The following C5orf52 variants were observed in gnomAD, a reference collection of about 807,000 sequenced individuals.
The protein encoded by C5orf52 is chromosome 5 open reading frame 52.
A neutral mutation model predicts 16.8 loss-of-function variants in C5orf52; 15 were observed. The observed-to-expected ratio is 0.89, with a 90% CI of 0.60 to 1.38. The LOEUF is 1.38. Ranked by LOEUF, C5orf52 falls within the 40% of genes most tolerant of loss-of-function variation. The pLI is 0.00. For synonymous variants in C5orf52, 83 were observed against 87.2 expected (o/e 0.95, Z 0.27); for missense variants, 206 against 213.1 (o/e 0.97, Z 0.21).
chr5:157,676,461 T>C lies in C5orf52; in HGVS notation c.321+1261T>C, dbSNP rs562728256. ...CACAAAATTCTAACATTAAAAACAA[T>C]TGGAGATCCTTAAGAGATGGTGCCA... On this transcript the variant is annotated intron_variant, in intron 2 of 2. Transcript: ENST00000409999. Among the ~76,000 whole-genome samples, 4 of 152,240 alleles carry C rather than the reference T, an allele frequency of 2.6e-5. No homozygotes were observed. The East Asian group carries it at 7.7e-4, about 29-fold the overall frequency.
intron 2 of C5orf52, among the ~76,000 whole-genome samples, chr5:157,676,381 C>G (rs1759895070): frequency 6.6e-6 from 1 of 152,124 alleles, no homozygotes; most frequent in Non-Finnish European, 1.5e-5. Context: ...CTGCTGCCTG[C>G]TTCTTGACTC....
At chr5:157,678,958 C>A (rs1163586173) in intron 2 of C5orf52, among the ~76,000 whole-genome samples, 1 of 151,796 alleles carries the variant, frequency 6.6e-6, no homozygotes, top group Non-Finnish European at 1.5e-5. Flanking sequence ...CATGGTGAAA[C>A]CCCGTCTCTA....
chr5:157,673,867 A>G (rs1759844964), intron 1 of C5orf52, among the ~76,000 whole-genome samples: 1 of 151,936 alleles, frequency 6.6e-6, no homozygotes, highest in African/African-American at 2.4e-5. Context: ...CTGTTCTGGA[A>G]CTCCTGACTT....
intron 2 of C5orf52, 121 bp from the exon 3 acceptor site, chr5:157,679,720 G>C: frequency 1.2e-6 from 1 of 861,984 alleles, no homozygotes. Flanking sequence ...ATGTACATAG[G>C]GTCCAGCTGA....
At chr5:157,673,950 A>G (rs1447403498) in intron 1 of C5orf52, among the ~76,000 whole-genome samples, 1 of 152,186 alleles carries the variant, frequency 6.6e-6, no homozygotes, top group Non-Finnish European at 1.5e-5. Flanking sequence ...CCGGTCCTGA[A>G]CAATTATTTT....
intron 1 of C5orf52, among the ~76,000 whole-genome samples, chr5:157,673,102 C>T (rs948481870): frequency 3.9e-5 from 6 of 151,970 alleles, no homozygotes; most frequent in African/African-American, 1.2e-4. Context: ...CTTTGGGAGG[C>T]TGAGGAGGGT....
chr5:157,671,336 C>T (rs1357309694), upstream of C5orf52: 1 of 489,194 alleles, frequency 2.0e-6, no homozygotes, highest in African/African-American at 2.0e-5. Context: ...TCACCGCACC[C>T]CACTTCTTCC....
chr5:157,675,422 C>T (rs944649309), intron 2 of C5orf52, among the ~76,000 whole-genome samples: 1 of 152,126 alleles, frequency 6.6e-6, no homozygotes, highest in Non-Finnish European at 1.5e-5. Context: ...AGAAAGACTC[C>T]ATGTCTCTTG....
rs1181251278 is a variant in C5orf52 at position 157,679,826 on chromosome 5, T to A, written c.322-15T>A. On this transcript the variant is annotated splice_polypyrimidine_tract_variant and intron_variant, in intron 2 of 2. Transcript: ENST00000409999. ...TTAGGATCTTGATCCTAACCTCACC[T>A]CTGTTTTTTGTAAGGTGAGCGCTTT... The A allele has an allele frequency of 3.2e-6, 5 of 1,544,842 alleles. No homozygotes were observed. Among genetic ancestry groups the A allele is most frequent in the Non-Finnish European group, 4.4e-6 (5 of 1,144,980 alleles).
intron 2 of C5orf52, among the ~76,000 whole-genome samples, chr5:157,675,733 G>GAAAAA (rs1443798146): frequency 6.6e-6 from 1 of 152,054 alleles, no homozygotes; most frequent in Non-Finnish European, 1.5e-5. Context: ...CAAAAAAACA[G>GAAAAA]AAAACCAAAG....
chr5:157,676,853 T>C (rs1759902243), intron 2 of C5orf52, among the ~76,000 whole-genome samples: 1 of 119,640 alleles, frequency 8.4e-6, no homozygotes, highest in Non-Finnish European at 1.6e-5. Flanking sequence ...TCCCCTTTTT[T>C]TAATTTCCTT....
intron 2 of C5orf52, among the ~76,000 whole-genome samples, chr5:157,677,504 A>G (rs772014273): frequency 9.9e-5 from 15 of 152,004 alleles, no homozygotes; most frequent in South Asian, 6.2e-4. Context: ...AAAATAGAAA[A>G]CTAGCCAGGT....
At chr5:157,671,923 C>T in intron 1 of C5orf52, 97 bp downstream of exon 1, 1 of 798,400 alleles carries the variant, frequency 1.3e-6, no homozygotes, top group East Asian at 2.8e-5. Context: ...GGACCCCGGC[C>T]CTTTTTCACA....
chr5:157,678,465 T>C (rs1759948084), intron 2 of C5orf52, among the ~76,000 whole-genome samples: 1 of 152,190 alleles, frequency 6.6e-6, no homozygotes, highest in Non-Finnish European at 1.5e-5. Context: ...TAGCTTTTCT[T>C]TTCTTTTCTG....
At chr5:157,676,769 A>G (rs1418033723) in intron 2 of C5orf52, among the ~76,000 whole-genome samples, 2 of 152,208 alleles carry the variant, frequency 1.3e-5, no homozygotes, top group East Asian at 1.9e-4. Context: ...AGAGTCGCCA[A>G]TGTTTTTGGG....
intron 2 of C5orf52, 44 bp from the exon 3 acceptor site, chr5:157,679,797 C>T (rs1387806726): frequency 6.6e-7 from 1 of 1,514,708 alleles, no homozygotes. Flanking sequence ...CTAATCTCAC[C>T]TCTTTAGGAT....
Position 157,675,080 on chromosome 5 carries a change from T to A in C5orf52, c.213-12T>A, listed in dbSNP as rs1759870536. On this transcript the variant is annotated splice_polypyrimidine_tract_variant and intron_variant, in intron 1 of 2. Coordinates refer to ENST00000409999, the MANE Select transcript of C5orf52 (RefSeq NM_001145132.2). ...GTCTGTAACCTGTGCCACCTTTCCC[T>A]CCCTGCTCCAGCTTAATGAATTCCA... is the stretch of plus-strand genomic sequence containing the variant. The A allele has an allele frequency of 6.5e-7, 1 of 1,537,910 alleles. No homozygotes were observed. Among genetic ancestry groups the A allele is most frequent in the East Asian group, 2.4e-5 (1 of 40,858 alleles).
upstream of C5orf52, among the ~76,000 whole-genome samples, chr5:157,671,044 G>A (rs28513141): frequency 0.075 from 11,464 of 152,222 alleles, 1,486 homozygotes; most frequent in African/African-American, 0.26. Context: ...GACCCCGCAG[G>A]AGATGGCGGA....
intron 2 of C5orf52, among the ~76,000 whole-genome samples, chr5:157,676,955 A>G (rs1561595876): frequency 6.7e-6 from 1 of 148,990 alleles, no homozygotes; most frequent in Non-Finnish European, 1.5e-5. Flanking sequence ...TGTAGCCTCA[A>G]CCTCCTGAGT....
Sources: gnomAD v4.1 joint callset for allele counts (sites outside exome capture counted in the v4.1 genomes callset) on GRCh38, gnomAD v4.1.1 for gene constraint, MANE v1.5 for transcripts, NCBI Gene and HGNC (gene_info 2026-07-23, HGNC 2026-07-21) for gene names.